KLHL18: variants seen among roughly 807,000 people sequenced by gnomAD.
KLHL18 encodes the protein kelch-like protein 18.
Under a neutral mutation model 58.5 loss-of-function variants are expected in KLHL18, and 38 were observed. The ratio of observed to expected loss-of-function variants is 0.65; its 90% CI spans 0.50 to 0.85. The LOEUF is 0.85. KLHL18 is among the 40% of genes least tolerant of loss of function. The pLI, the probability that KLHL18 is intolerant of heterozygous loss-of-function variation, is 0.00. For synonymous variants in KLHL18, 303 were observed against 301.9 expected, an observed-to-expected ratio of 1.00 and a Z score of -0.04; for missense variants, 624 against 778.4, an observed-to-expected ratio of 0.80 and a Z score of 2.36.
chr3:47,288,661 A>T (rs756031613), intron 1 of KLHL18, among the ~76,000 whole-genome samples: 2 of 152,240 alleles, frequency 1.3e-5, no homozygotes, highest in African/African-American at 2.4e-5. Context: ...AGCCTGTCGG[A>T]TAGTGAGATA....
chr3:47,314,014 C>T (rs967439684), intron 1 of KLHL18, among the ~76,000 whole-genome samples: 4 of 152,168 alleles, frequency 2.6e-5, no homozygotes, highest in African/African-American at 4.8e-5. Context: ...AAATGATCAT[C>T]TCTTTTTTTA....
At chr3:47,331,211 C>T (rs1703850849) in intron 4 of KLHL18, among the ~76,000 whole-genome samples, 1 of 152,026 alleles carries the variant, frequency 6.6e-6, no homozygotes, top group African/African-American at 2.4e-5. Flanking sequence ...CACTGCACCT[C>T]TGCCTCCCGG....
chr3:47,308,964 T>G (rs1161444509), intron 1 of KLHL18, among the ~76,000 whole-genome samples: 1 of 152,114 alleles, frequency 6.6e-6, no homozygotes, highest in Non-Finnish European at 1.5e-5. Context: ...TAGGGAGTGG[T>G]GATGACTCTT....
At chr3:47,342,892 A>C in intron 9 of KLHL18, 62 bp downstream of exon 9, 2 of 1,308,006 alleles carry the variant, frequency 1.5e-6, no homozygotes, top group Non-Finnish European at 2.2e-6. Flanking sequence ...TTATTTTAGA[A>C]GATCATTATT....
At chr3:47,288,135 C>A (rs1471211612) in intron 1 of KLHL18, among the ~76,000 whole-genome samples, 1 of 148,636 alleles carries the variant, frequency 6.7e-6, no homozygotes, top group African/African-American at 2.5e-5. Context: ...GCAGCAGAAT[C>A]GCTTGAACCT....
chr3:47,337,148 G>A (rs1704006103), intron 7 of KLHL18: 3 of 210,550 alleles, frequency 1.4e-5, no homozygotes, highest in Admixed American at 1.0e-4. Context: ...ACCTTTATTA[G>A]TGATAAAAGG....
Position 47,336,520 on chromosome 3 carries a change from C to G in KLHL18, c.899-15C>G, listed in dbSNP as rs2107657141. 7 of 1,607,922 alleles carry G rather than the reference C, an allele frequency of 4.4e-6. No homozygotes were observed. Among genetic ancestry groups the G allele is most frequent in the South Asian group, 1.1e-5 (1 of 90,942 alleles). ...GTCTCATTTGTTTTAATTTGAGTAGCAAATTTTTATGCAGGTGATTCCCTG... is the reference window on the plus strand; with the variant it reads ...GTCTCATTTGTTTTAATTTGAGTAGGAAATTTTTATGCAGGTGATTCCCTG... On this transcript the variant is annotated splice_polypyrimidine_tract_variant and intron_variant, in intron 6 of 9. Coordinates refer to ENST00000232766, the MANE Select transcript of KLHL18 (RefSeq NM_025010.5).
intron 1 of KLHL18, among the ~76,000 whole-genome samples, chr3:47,316,717 A>ATACG (rs1703455224): frequency 7.1e-5 from 1 of 14,090 alleles, no homozygotes; most frequent in Non-Finnish European, 1.4e-4. Context: ...GTATATATGT[A>ATACG]TATGTGTGTG....
intron 1 of KLHL18, among the ~76,000 whole-genome samples, chr3:47,312,414 G>A (rs1371058227): frequency 1.3e-5 from 2 of 152,148 alleles, no homozygotes; most frequent in African/African-American, 4.8e-5. Context: ...TGTGACTAAA[G>A]GTAGAGATGT....
chr3:47,342,613 A>G (rs538666077), intron 8 of KLHL18, 106 bp from the exon 9 acceptor site: 2 of 830,122 alleles, frequency 2.4e-6, no homozygotes, highest in African/African-American at 1.7e-5. Flanking sequence ...GTGATAAGAG[A>G]TGGAGAGATG....
intron 3 of KLHL18, among the ~76,000 whole-genome samples, chr3:47,326,947 G>A (rs933049838): frequency 6.6e-6 from 1 of 151,352 alleles, no homozygotes. Context: ...AAAAAAGGAA[G>A]GTGTGTTTTG....
intron 1 of KLHL18, among the ~76,000 whole-genome samples, chr3:47,307,229 A>G (rs1576150709): frequency 6.6e-6 from 1 of 152,052 alleles, no homozygotes; most frequent in Non-Finnish European, 1.5e-5. Flanking sequence ...ATGCCACCAC[A>G]CGTGGCTAAT....
At chr3:47,323,678 G>A (rs1299088759) in intron 3 of KLHL18, among the ~76,000 whole-genome samples, 1 of 152,144 alleles carries the variant, frequency 6.6e-6, no homozygotes, top group Non-Finnish European at 1.5e-5. Context: ...GTGGGTTAGT[G>A]CTGGGCCACA....
chr3:47,343,862 A>G lies in KLHL18; in HGVS notation c.1646A>G (p.Asp549Gly), dbSNP rs768707682. The change falls in exon 10 of 10, where the codon GAC (aspartate) becomes GGC (glycine). Residue 549 changes from aspartate to glycine, a missense_variant. Physicochemically the swap from Asp to Gly is moderately conservative, Grantham distance 94 (BLOSUM62 -1). Coordinates refer to ENST00000232766, the MANE Select transcript of KLHL18 (RefSeq NM_025010.5). ...GTGGAGATGTATGACCCAGAGACAG[A>G]CTGCTGGACATTCATGGCCCCCATG... is the stretch of plus-strand genomic sequence containing the variant. ...SSVEMYDPETDCWTFMAPMAC... is the reference protein window; with the variant it reads ...SSVEMYDPETGCWTFMAPMAC... 1 of 1,614,186 alleles carries G rather than the reference A, an allele frequency of 6.2e-7. No homozygotes were observed. Among genetic ancestry groups the G allele is most frequent in the Non-Finnish European group, 8.5e-7 (1 of 1,180,038 alleles).
chr3:47,340,566 T>C lies in KLHL18; in HGVS notation c.1122-6T>C, dbSNP rs764343449. 1 of 1,613,918 alleles carries C rather than the reference T, an allele frequency of 6.2e-7. No individual in the cohort carries two copies. Among genetic ancestry groups the C allele is most frequent in the Non-Finnish European group, 8.5e-7 (1 of 1,179,944 alleles). On this transcript the variant is annotated splice_region_variant and splice_polypyrimidine_tract_variant and intron_variant, in intron 7 of 9. Transcript: ENST00000232766. ...TCATCTGGGATGACAGCTCTGTCTGTTTCAGTGCCATGGGGACAGTCGTGC... is the reference window on the plus strand; with the variant it reads ...TCATCTGGGATGACAGCTCTGTCTGCTTCAGTGCCATGGGGACAGTCGTGC...
chr3:47,300,620 G>A (rs1351460530), intron 1 of KLHL18, among the ~76,000 whole-genome samples: 3 of 127,912 alleles, frequency 2.3e-5, no homozygotes, highest in Non-Finnish European at 4.8e-5. Flanking sequence ...AATGAGTAGT[G>A]GTATCTCATT....
chr3:47,308,695 T>A (rs1703207284), intron 1 of KLHL18, among the ~76,000 whole-genome samples: 1 of 152,114 alleles, frequency 6.6e-6, no homozygotes, highest in African/African-American at 2.4e-5. Flanking sequence ...CCGGCCAATA[T>A]GTCATTTTTC....
chr3:47,313,700 A>C (rs1703358708), intron 1 of KLHL18, among the ~76,000 whole-genome samples: 1 of 152,166 alleles, frequency 6.6e-6, no homozygotes, highest in Non-Finnish European at 1.5e-5. Flanking sequence ...TAGTTTTATC[A>C]TGTGTAGGTT....
intron 6 of KLHL18, among the ~76,000 whole-genome samples, chr3:47,335,460 T>TG (rs1703963337): frequency 6.6e-6 from 1 of 152,188 alleles, no homozygotes; most frequent in Admixed American, 6.5e-5. Context: ...CCTCCCAACT[T>TG]GGGGGCAGTT....
Sources: gnomAD v4.1 joint callset for allele counts (sites outside exome capture counted in the v4.1 genomes callset) on GRCh38, gnomAD v4.1.1 for gene constraint, MANE v1.5 for transcripts, NCBI Gene and HGNC (gene_info 2026-07-23, HGNC 2026-07-21) for gene names.